OSBP2: variants seen among roughly 807,000 people sequenced by gnomAD.
The protein encoded by OSBP2 is oxysterol-binding protein 2.
OSBP2 carries 66 observed loss-of-function variants against 96.0 expected under a neutral mutation model. The ratio of observed to expected loss-of-function variants is 0.69; its 90% CI spans 0.56 to 0.84. The LOEUF (loss-of-function observed/expected upper bound fraction) is 0.84, where lower values mean the gene tolerates loss of function less well. Among genes scored for constraint, OSBP2 ranks in the 40% least tolerant of loss-of-function variants. The probability of loss-of-function intolerance (pLI) is 0.00; values close to 1 mark genes in which losing one functional copy is unlikely to be tolerated. For missense variants in OSBP2, 1,038 were observed against 1,222.7 expected (o/e 0.85, Z 2.25); for synonymous variants, 525 against 520.9 (o/e 1.01, Z -0.11).
At position 30,893,569 on chromosome 22, in the gene OSBP2, C is replaced by T. The variant is rs560656423; in HGVS notation, c.2094+3C>T. ...TGGGCAAGCTCTGGATCGACCAGGT[C>T]AGGGGCGCCCTTGGGGAGGGGGTGC... On this transcript the variant is annotated splice_donor_region_variant and intron_variant, in intron 10 of 13. Coordinates refer to ENST00000332585, the MANE Select transcript of OSBP2 (RefSeq NM_030758.4). 1.1e-5 allele frequency: 17 copies of T among 1,613,950 alleles called. No individual in the cohort carries two copies. The African/African-American group carries it at 1.3e-4, about 13-fold the overall frequency.
chr22:30,778,169 C>CTTTTTTTTTTTTTTTTTTTTTTT lies in OSBP2; in HGVS notation c.853+36800_853+36801insTTTTTTTTTTTTTTTTTTTTTTT, dbSNP rs1569119423. On this transcript the variant is annotated intron_variant, in intron 2 of 13. Transcript: ENST00000332585. ...ACCAGCATGCCCGGCTAATTTTTGC[C>CTTTTTTTTTTTTTTTTTTTTTTT]CTTTTTTTTTTTTTTTTTTTTAGTA... is the stretch of plus-strand genomic sequence containing the variant. Among the ~76,000 whole-genome samples the CTTTTTTTTTTTTTTTTTTTTTTT allele has an allele frequency of 3.2e-5, 4 of 124,182 alleles. 1 individual carries two copies. Among genetic ancestry groups the CTTTTTTTTTTTTTTTTTTTTTTT allele is most frequent in the Non-Finnish European group, 6.7e-5 (4 of 59,944 alleles). 81.5% of individuals were successfully genotyped at this position (124,182 alleles called of 152,430 possible). A position where few individuals can be genotyped will look rare whatever the true frequency, so the allele number is the denominator to read the frequency against.
chr22:30,723,694 A>G (rs1353177131), intron 1 of OSBP2, among the ~76,000 whole-genome samples: 3 of 152,100 alleles, frequency 2.0e-5, no homozygotes, highest in Non-Finnish European at 2.9e-5. Context: ...GATTACAGGC[A>G]TGACCCACCG....
intron 2 of OSBP2, among the ~76,000 whole-genome samples, chr22:30,795,630 C>T (rs1226900265): frequency 6.6e-6 from 1 of 151,430 alleles, no homozygotes; most frequent in Non-Finnish European, 1.5e-5. Flanking sequence ...AGCAATTCTC[C>T]TGTCTCAGCC....
At chr22:30,753,060 C>G (rs2090097385) in intron 2 of OSBP2, among the ~76,000 whole-genome samples, 1 of 152,128 alleles carries the variant, frequency 6.6e-6, no homozygotes, top group African/African-American at 2.4e-5. Context: ...AGGAGGAGCC[C>G]ATTTACATGG....
At chr22:30,858,397 C>T (rs570523747) in intron 2 of OSBP2, among the ~76,000 whole-genome samples, 116 of 151,566 alleles carry the variant, frequency 7.7e-4, no homozygotes, top group African/African-American at 2.4e-3. Flanking sequence ...CCACCCACCT[C>T]GGCCTCCCAA....
Position 30,893,883 on chromosome 22 carries a change from CA to C in OSBP2, c.2260del (p.Met754TrpfsTer53). The C allele has an allele frequency of 6.3e-7, 1 of 1,584,020 alleles. No individual in the cohort carries two copies. Among genetic ancestry groups the C allele is most frequent in the Non-Finnish European group, 8.6e-7 (1 of 1,164,936 alleles). ...CGTGCTGTCCGGCTCGTGGGATGAA[CA>C]AATGGAGTGCTCCAAGGTCATGCAT... is the stretch of plus-strand genomic sequence containing the variant. ...HYVLSGSWDE[Q>X]MECSKVMHSS... On this transcript the variant is annotated frameshift_variant, in exon 12 of 14. Transcript: ENST00000332585. LOFTEE classifies it high-confidence loss of function.
At chr22:30,729,078 G>A (rs1015012868) in intron 1 of OSBP2, among the ~76,000 whole-genome samples, 18 of 152,128 alleles carry the variant, frequency 1.2e-4, no homozygotes, top group African/African-American at 4.3e-4. Context: ...GAGGTTGAGT[G>A]CTTTTTCATA....
At chr22:30,797,521 A>G (rs1483650889) in intron 2 of OSBP2, among the ~76,000 whole-genome samples, 1 of 151,788 alleles carries the variant, frequency 6.6e-6, no homozygotes, top group East Asian at 1.9e-4. Flanking sequence ...TGACCTCGCG[A>G]TCAGCCCACC....
intron 2 of OSBP2, among the ~76,000 whole-genome samples, chr22:30,753,828 TG>T (rs2090108158): frequency 6.6e-6 from 1 of 152,234 alleles, no homozygotes; most frequent in Non-Finnish European, 1.5e-5. Context: ...TTTGAAGTTA[TG>T]AGAGGGATTT....
At chr22:30,766,601 C>T (rs2090273477) in intron 2 of OSBP2, among the ~76,000 whole-genome samples, 1 of 152,156 alleles carries the variant, frequency 6.6e-6, no homozygotes, top group Admixed American at 6.5e-5. Flanking sequence ...CACCTAAACC[C>T]TCCAAAAAGC....
At chr22:30,722,898 C>A (rs1309398329) in intron 1 of OSBP2, among the ~76,000 whole-genome samples, 1 of 151,592 alleles carries the variant, frequency 6.6e-6, no homozygotes, top group East Asian at 1.9e-4. Flanking sequence ...GATCCTCCCA[C>A]CTAGCTCTCC....
intron 2 of OSBP2, among the ~76,000 whole-genome samples, chr22:30,846,311 CA>C (rs747937449): frequency 2.5e-4 from 38 of 151,900 alleles, no homozygotes; most frequent in Non-Finnish European, 4.6e-4. Context: ...CATGCCTGGC[CA>C]ATTTTTGTAT....
chr22:30,709,499 A>G (rs1483421525), intron 1 of OSBP2, among the ~76,000 whole-genome samples: 2 of 151,698 alleles, frequency 1.3e-5, no homozygotes, highest in East Asian at 1.9e-4. Context: ...AGATTAGTCT[A>G]ATTGTTTTTT....
chr22:30,693,969 A>AG (rs1469087577), upstream of OSBP2: 8 of 890,296 alleles, frequency 9.0e-6, no homozygotes, highest in Non-Finnish European at 1.2e-5. Flanking sequence ...AGTCTCAAAA[A>AG]GGAAAAAAAA....
chr22:30,902,770 G>A, intron 12 of OSBP2: 1 of 432,832 alleles, frequency 2.3e-6, no homozygotes, highest in Non-Finnish European at 4.6e-6. Context: ...CGTTCACAAG[G>A]AGCAAGAATG....
intron 12 of OSBP2, among the ~76,000 whole-genome samples, chr22:30,899,816 T>C (rs1322272777): frequency 6.6e-6 from 1 of 152,222 alleles, no homozygotes; most frequent in African/African-American, 2.4e-5. Flanking sequence ...CCTGGGTATA[T>C]AGAATGATTT....
At chr22:30,889,287 G>T (rs2039889989) in intron 6 of OSBP2, 53 bp downstream of exon 6, 3 of 1,561,232 alleles carry the variant, frequency 1.9e-6, no homozygotes, top group Non-Finnish European at 2.6e-6. Context: ...GGCCTAGGGG[G>T]TGGGAGGGAC....
In OSBP2 at chr22:30,797,442, C is replaced by A. The variant is rs2090780046; in HGVS notation, c.853+56073C>A. On this transcript the variant is annotated intron_variant, in intron 2 of 13. Coordinates refer to ENST00000332585, the MANE Select transcript of OSBP2 (RefSeq NM_030758.4). ...GGATTACAGGCATGTGCCACCACAC[C>A]CAGTTAATTTTTTGTATCTTTAGTA... Among the ~76,000 whole-genome samples the A allele has an allele frequency of 1.3e-5, 2 of 151,988 alleles. 1 individual carries two copies. Among genetic ancestry groups the A allele is most frequent in the South Asian group, 4.2e-4 (2 of 4,818 alleles).
intron 2 of OSBP2, among the ~76,000 whole-genome samples, chr22:30,865,683 G>A (rs560355909): frequency 9.3e-5 from 14 of 150,600 alleles, no homozygotes; most frequent in Middle Eastern, 3.5e-3. Context: ...AGTGAGTTGC[G>A]TCAGTGGAAG....
Sources: gnomAD v4.1 joint callset for allele counts (sites outside exome capture counted in the v4.1 genomes callset) on GRCh38, gnomAD v4.1.1 for gene constraint, MANE v1.5 for transcripts, NCBI Gene and HGNC (gene_info 2026-07-23, HGNC 2026-07-21) for gene names.